Variants in DNAJC1 observed in about 807,000 individuals in gnomAD.
DNAJC1 encodes dnaJ homolog subfamily C member 1.
In DNAJC1, 58 loss-of-function variants were observed where a neutral mutation model predicts 76.6. That is an observed-to-expected ratio of 0.76 (90% CI 0.61 to 0.94). DNAJC1 has a LOEUF of 0.94. Ranked by LOEUF, DNAJC1 falls within the 40% of genes least tolerant of loss-of-function variation. The pLI is 0.00. For synonymous variants in DNAJC1, 258 were observed against 267.9 expected (o/e 0.96, Z 0.36); for missense variants, 689 against 677.3 (o/e 1.02, Z -0.19).
At chr10:21,910,835 AGGAGAGGAGAGGAGAGGAG>A (rs1564824876) in intron 6 of DNAJC1, among the ~76,000 whole-genome samples, 18 of 51,402 alleles carry the variant, frequency 3.5e-4, no homozygotes, top group South Asian at 9.5e-4. Context: ...AAGGAAGGAG[AGGAGAGGAGAGGAGAGGAG>A]AGGAGAGGAG....
rs746735807 is a variant in DNAJC1, at chr10:21,919,912, T to G, written c.555A>C (p.Arg185Ser). 6.2e-7 allele frequency: 1 copy of G among 1,605,470 alleles called. No homozygotes were observed. The highest frequency in any genetic ancestry group is 1.1e-5 in the South Asian group (1 of 90,036). Residue 185 changes from arginine to serine, a missense_variant, in exon 5 of 12, where the codon AGA becomes AGC. Coordinates refer to ENST00000376980, the MANE Select transcript of DNAJC1 (RefSeq NM_022365.4). ...TCTTTTTTTTCTTTTCTCTCTTTTT[T>G]CTACTTAGTAGTTCATCCTTAATGT... is the stretch of plus-strand genomic sequence containing the variant. Reference protein sequence around the residue: ...LEKQLDELLSRKKREKKKKTG... With the variant: ...LEKQLDELLSSKKREKKKKTG...
intron 8 of DNAJC1, among the ~76,000 whole-genome samples, chr10:21,818,804 C>T (rs1835114194): frequency 6.6e-6 from 1 of 152,180 alleles, no homozygotes; most frequent in African/African-American, 2.4e-5. Flanking sequence ...TGAAAATGAG[C>T]ACTGCTAAAT....
At chr10:21,857,877 A>C (rs1835863152) in intron 8 of DNAJC1, among the ~76,000 whole-genome samples, 1 of 151,988 alleles carries the variant, frequency 6.6e-6, no homozygotes. Flanking sequence ...AAACAAACAA[A>C]AAAAAAAACC....
intron 8 of DNAJC1, among the ~76,000 whole-genome samples, chr10:21,859,572 G>GACATAGACATAGGGGTT (rs1295555094): frequency 1.1e-4 from 16 of 151,864 alleles, no homozygotes; most frequent in Non-Finnish European, 1.8e-4. Context: ...AACCCCTATA[G>GACATAGACATAGGGGTT]ACATAGACAT....
intron 8 of DNAJC1, among the ~76,000 whole-genome samples, chr10:21,826,400 C>A (rs886566773): frequency 6.6e-6 from 1 of 152,112 alleles, no homozygotes; most frequent in African/African-American, 2.4e-5. Flanking sequence ...AAGCAATCTT[C>A]CTGCCTCAGC....
chr10:21,875,455 C>T (rs1836170980), intron 8 of DNAJC1, among the ~76,000 whole-genome samples: 1 of 152,170 alleles, frequency 6.6e-6, no homozygotes, highest in African/African-American at 2.4e-5. Flanking sequence ...CACAACCAGC[C>T]ACAAGTTAAA....
intron 8 of DNAJC1, among the ~76,000 whole-genome samples, chr10:21,875,386 C>G (rs933513797): frequency 6.6e-6 from 1 of 152,158 alleles, no homozygotes. Context: ...GAAGTCCTGA[C>G]CTCAAACAAT....
At chr10:21,976,223 A>T (rs1366755775) in intron 1 of DNAJC1, among the ~76,000 whole-genome samples, 2 of 152,214 alleles carry the variant, frequency 1.3e-5, no homozygotes, top group Non-Finnish European at 2.9e-5. Context: ...TCCATATTTG[A>T]GAACCAGGAT....
intron 9 of DNAJC1, among the ~76,000 whole-genome samples, chr10:21,767,059 T>C (rs1311570510): frequency 6.6e-6 from 1 of 152,202 alleles, no homozygotes; most frequent in African/African-American, 2.4e-5. Context: ...AATATCTTTC[T>C]TCACTGGAGA....
At chr10:21,937,735 A>G (rs535457879) in intron 1 of DNAJC1, among the ~76,000 whole-genome samples, 1 of 152,306 alleles carries the variant, frequency 6.6e-6, no homozygotes, top group Non-Finnish European at 1.5e-5. Flanking sequence ...GTCTCAATAA[A>G]TTTAAAAAGA....
At chr10:21,985,998 C>A (rs553166642) in intron 1 of DNAJC1, among the ~76,000 whole-genome samples, 1 of 152,072 alleles carries the variant, frequency 6.6e-6, no homozygotes, top group Non-Finnish European at 1.5e-5. Context: ...GAAGCCGAGG[C>A]GGGCAGATCA....
intron 1 of DNAJC1, among the ~76,000 whole-genome samples, chr10:21,999,825 C>T (rs1358004229): frequency 1.3e-5 from 2 of 152,172 alleles, no homozygotes; most frequent in Non-Finnish European, 2.9e-5. Flanking sequence ...TTTACGTTCA[C>T]TCCCTTGGTG....
intron 8 of DNAJC1, among the ~76,000 whole-genome samples, chr10:21,841,980 A>G (rs1189213881): frequency 6.6e-6 from 1 of 151,692 alleles, no homozygotes; most frequent in Non-Finnish European, 1.5e-5. Context: ...CATCATTCTC[A>G]GCAAAGTATT....
chr10:21,782,588 G>C (rs1410557010), intron 9 of DNAJC1, among the ~76,000 whole-genome samples: 8 of 152,198 alleles, frequency 5.3e-5, no homozygotes, highest in Middle Eastern at 3.4e-3. Context: ...GCCTGGCAGA[G>C]ACACAACAAA....
intron 10 of DNAJC1, among the ~76,000 whole-genome samples, chr10:21,760,563 G>T (rs564978212): frequency 6.6e-5 from 10 of 152,246 alleles, no homozygotes; most frequent in Non-Finnish European, 1.3e-4. Context: ...GACACGGGGC[G>T]TGGGAGCAGA....
chr10:21,937,068 C>T (rs1003284086), intron 1 of DNAJC1, among the ~76,000 whole-genome samples: 5 of 152,058 alleles, frequency 3.3e-5, no homozygotes, highest in African/African-American at 1.2e-4. Flanking sequence ...GAAACTGCAA[C>T]TTTAAGTAAA....
intron 8 of DNAJC1, among the ~76,000 whole-genome samples, chr10:21,852,706 C>T (rs938877887): frequency 2.0e-5 from 3 of 151,500 alleles, no homozygotes; most frequent in African/African-American, 7.3e-5. Context: ...AAGCATAATG[C>T]TTGGTTAGGT....
At chr10:21,861,483 A>G (rs1296357416) in intron 8 of DNAJC1, among the ~76,000 whole-genome samples, 1 of 152,070 alleles carries the variant, frequency 6.6e-6, no homozygotes, top group Non-Finnish European at 1.5e-5. Context: ...AACCACAGCA[A>G]CTCCATCTTG....
At chr10:21,896,116 C>T (rs541390670) in intron 7 of DNAJC1, among the ~76,000 whole-genome samples, 1 of 152,162 alleles carries the variant, frequency 6.6e-6, no homozygotes, top group South Asian at 2.1e-4. Flanking sequence ...AAAGGTGGGG[C>T]TGCTAGAGAC....
Sources: allele counts gnomAD v4.1 joint callset (sites outside exome capture counted in the v4.1 genomes callset), GRCh38; gene constraint gnomAD v4.1.1; transcripts MANE v1.5; gene names NCBI Gene and HGNC (gene_info 2026-07-23, HGNC 2026-07-21).